Variants in NT5DC1 observed in about 807,000 individuals in gnomAD.
The protein encoded by NT5DC1 is 5'-nucleotidase domain-containing protein 1.
A neutral mutation model predicts 59.4 loss-of-function variants in NT5DC1; 42 were observed. The observed-to-expected ratio is 0.71, with a 90% confidence interval of 0.55 to 0.92. The LOEUF (loss-of-function observed/expected upper bound fraction) is 0.92, where lower values mean the gene tolerates loss of function less well. NT5DC1 is among the 40% of genes least tolerant of loss of function. The pLI is 0.00. For missense variants in NT5DC1, 501 were observed against 537.1 expected (o/e 0.93, Z 0.66); for synonymous variants, 172 against 188.1 (o/e 0.91, Z 0.70).
At chr6:116,239,606 T>C (rs940221890) in intron 11 of NT5DC1, among the ~76,000 whole-genome samples, 7 of 152,164 alleles carry the variant, frequency 4.6e-5, no homozygotes, top group African/African-American at 1.7e-4. Flanking sequence ...TAAGGATGAA[T>C]TGAGAAGAAA....
intron 8 of NT5DC1, among the ~76,000 whole-genome samples, chr6:116,229,899 T>G (rs1048159031): frequency 5.3e-5 from 8 of 152,092 alleles, no homozygotes; most frequent in African/African-American, 1.7e-4. Context: ...CATACGCAGT[T>G]CCTCCTCCAC....
chr6:116,219,426 C>G (rs191188896), intron 6 of NT5DC1, among the ~76,000 whole-genome samples: 2 of 152,230 alleles, frequency 1.3e-5, no homozygotes, highest in East Asian at 3.9e-4. Flanking sequence ...TTTGCCATGC[C>G]TGGGTCCCCA....
rs1437440769 is a variant in NT5DC1, at chr6:116,246,358, T to C, written c.*2334T>C. On this transcript the variant is annotated 3_prime_UTR_variant, in exon 12 of 12. Transcript: ENST00000319550. ...TGGAATACTGAGGTAGTAAAAACTTTATCTGAACCATGAATTACAATCTAA... is the reference window on the plus strand; with the variant it reads ...TGGAATACTGAGGTAGTAAAAACTTCATCTGAACCATGAATTACAATCTAA... The C allele has an allele frequency of 6.6e-6, 1 of 152,060 alleles. No individual in the cohort carries two copies. Among genetic ancestry groups the C allele is most frequent in the Non-Finnish European group, 1.5e-5 (1 of 67,964 alleles). The allele number at this position is 152,060 out of a possible 1,614,324, so 9.4% of individuals were successfully genotyped here.
At chr6:116,104,294 A>G (rs886847037) in intron 1 of NT5DC1, among the ~76,000 whole-genome samples, 3 of 152,144 alleles carry the variant, frequency 2.0e-5, no homozygotes, top group East Asian at 1.9e-4. Context: ...CTCCTCCACA[A>G]GGTAAGGAAC....
chr6:116,151,246 T>C (rs190121384), intron 6 of NT5DC1, among the ~76,000 whole-genome samples: 10 of 152,302 alleles, frequency 6.6e-5, no homozygotes, highest in Non-Finnish European at 1.3e-4. Context: ...TTTTAAAGAC[T>C]CTGAGATCAG....
At chr6:116,125,701 C>CTAT in intron 6 of NT5DC1, 1 of 456,362 alleles carries the variant, frequency 2.2e-6, no homozygotes, top group Non-Finnish European at 3.9e-6. Context: ...TTTTTGGAAG[C>CTAT]TATACTCAGG....
intron 6 of NT5DC1, among the ~76,000 whole-genome samples, chr6:116,140,376 C>T (rs1481215093): frequency 6.6e-6 from 1 of 152,078 alleles, no homozygotes; most frequent in Non-Finnish European, 1.5e-5. Context: ...CTCTTTTCTG[C>T]CTTACATTCC....
intron 6 of NT5DC1, among the ~76,000 whole-genome samples, chr6:116,167,556 C>T (rs973277213): frequency 2.6e-5 from 4 of 152,058 alleles, no homozygotes; most frequent in Non-Finnish European, 5.9e-5. Context: ...ATTTTGATAC[C>T]AGTTATTTGT....
intron 6 of NT5DC1, among the ~76,000 whole-genome samples, chr6:116,167,994 T>C (rs889821175): frequency 2.6e-5 from 4 of 152,142 alleles, no homozygotes; most frequent in African/African-American, 9.6e-5. Context: ...TCAGTATAAT[T>C]GTTCTTTAAA....
At chr6:116,173,880 G>GT (rs1181379178) in intron 6 of NT5DC1, among the ~76,000 whole-genome samples, 1 of 152,086 alleles carries the variant, frequency 6.6e-6, no homozygotes, top group Non-Finnish European at 1.5e-5. Flanking sequence ...GCTTCTACCA[G>GT]TTTTTATACT....
chr6:116,135,860 TATATATATATATAC>T (rs1193356076), intron 6 of NT5DC1, among the ~76,000 whole-genome samples: 13 of 117,026 alleles, frequency 1.1e-4, no homozygotes, highest in African/African-American at 1.8e-4. Context: ...TATATATATA[TATATATATATATAC>T]ACACATACAC....
rs1329810394 is a variant in NT5DC1, at chr6:116,163,139, A to AT, written c.529+45194_529+45195insT. Among the ~76,000 whole-genome samples the AT allele has an allele frequency of 3.9e-3, 388 of 100,336 alleles. 2 individuals carry two copies. Among genetic ancestry groups the AT allele is most frequent in the East Asian group, 7.0e-3 (26 of 3,710 alleles). 65.8% of individuals were successfully genotyped at this position (100,336 alleles called of 152,430 possible). On this transcript the variant is annotated intron_variant, in intron 6 of 11. Transcript: ENST00000319550. ...GAGACTCCGTCTCAAAAAAAAAAAA[A>AT]AAATATATATATATATATATATATT...
intron 6 of NT5DC1, chr6:116,122,060 T>G: frequency 9.8e-7 from 1 of 1,017,912 alleles, no homozygotes; most frequent in Admixed American, 1.7e-5. Context: ...ACACGATATT[T>G]CAGCATCATT....
intron 7 of NT5DC1, among the ~76,000 whole-genome samples, chr6:116,222,206 C>A (rs1341267290): frequency 2.0e-5 from 3 of 152,130 alleles, no homozygotes; most frequent in Non-Finnish European, 4.4e-5. Context: ...TGAATTAAGG[C>A]TAAAGTCCTG....
chr6:116,227,503 A>G (rs1005872281), intron 8 of NT5DC1, among the ~76,000 whole-genome samples: 3 of 152,106 alleles, frequency 2.0e-5, no homozygotes, highest in African/African-American at 7.2e-5. Flanking sequence ...GCTGGATCAT[A>G]TGGTAGTTCT....
intron 6 of NT5DC1, chr6:116,119,861 G>T: frequency 1.8e-6 from 1 of 561,808 alleles, no homozygotes; most frequent in Non-Finnish European, 3.1e-6. Flanking sequence ...CCTTAAGATT[G>T]CTAACTAGAA....
intron 11 of NT5DC1, among the ~76,000 whole-genome samples, chr6:116,241,840 A>G (rs542667171): frequency 2.3e-4 from 34 of 147,326 alleles, no homozygotes; most frequent in South Asian, 8.9e-4. Flanking sequence ...GGAGAATGGC[A>G]TGAACCCGGG....
At chr6:116,120,033 G>C (rs761361402) in intron 6 of NT5DC1, 2 of 1,538,306 alleles carry the variant, frequency 1.3e-6, no homozygotes. Flanking sequence ...GTTAGAGAAT[G>C]CTTTTTCTAG....
At chr6:116,243,035 C>T (rs368481238) in intron 11 of NT5DC1, among the ~76,000 whole-genome samples, 23 of 152,292 alleles carry the variant, frequency 1.5e-4, no homozygotes, top group African/African-American at 5.3e-4. Flanking sequence ...TCTTGGTTGC[C>T]TCTTTAGCTC....
Sources: allele counts gnomAD v4.1 joint callset (sites outside exome capture counted in the v4.1 genomes callset), GRCh38; gene constraint gnomAD v4.1.1; transcripts MANE v1.5; gene names NCBI Gene and HGNC (gene_info 2026-07-23, HGNC 2026-07-21).